Variants in RBFOX1 observed in about 807,000 individuals in gnomAD.
The protein encoded by RBFOX1 is RNA binding protein fox-1 homolog 1.
Under a neutral mutation model 57.7 loss-of-function variants are expected in RBFOX1, and 8 were observed. The ratio of observed to expected loss-of-function variants is 0.14; its 90% CI spans 0.08 to 0.25. The LOEUF (loss-of-function observed/expected upper bound fraction) is 0.25. Among genes scored for constraint, RBFOX1 ranks in the 10% least tolerant of loss-of-function variants. RBFOX1 has a pLI of 1.00. For missense variants in RBFOX1, 611 were observed against 548.5 expected, an observed-to-expected ratio of 1.11 and a Z score of -1.14; for synonymous variants, 326 against 222.4, an observed-to-expected ratio of 1.47 and a Z score of -4.15.
chr16:6,416,517 G>A (rs773739793), intron 2 of RBFOX1, among the ~76,000 whole-genome samples: 6 of 151,882 alleles, frequency 4.0e-5, no homozygotes, highest in Non-Finnish European at 7.4e-5. Context: ...TTTACTGAAA[G>A]AGATTGTATT....
At chr16:6,084,097 C>A (rs936272008) in intron 1 of RBFOX1, among the ~76,000 whole-genome samples, 1 of 152,156 alleles carries the variant, frequency 6.6e-6, no homozygotes, top group African/African-American at 2.4e-5. Context: ...GGGGCCTGAG[C>A]TTTTCAATCT....
chr16:6,205,398 C>T (rs2097248361), intron 1 of RBFOX1, among the ~76,000 whole-genome samples: 1 of 152,174 alleles, frequency 6.6e-6, no homozygotes, highest in Non-Finnish European at 1.5e-5. Flanking sequence ...ACAAGGTTGT[C>T]GTGACAAAGT....
chr16:6,202,149 A>G (rs1169751034), intron 1 of RBFOX1, among the ~76,000 whole-genome samples: 2 of 152,182 alleles, frequency 1.3e-5, no homozygotes, highest in Non-Finnish European at 2.9e-5. Context: ...TTTCTAACGG[A>G]GCAACTTCCT....
intron 4 of RBFOX1, among the ~76,000 whole-genome samples, chr16:7,088,526 CTG>C (rs2060326610): frequency 8.0e-6 from 1 of 124,594 alleles, no homozygotes; most frequent in Admixed American, 9.4e-5. Context: ...GATAAATACT[CTG>C]TAGTTGTTTT....
intron 4 of RBFOX1, among the ~76,000 whole-genome samples, chr16:7,424,602 G>C (rs1490881225): frequency 2.6e-5 from 4 of 152,124 alleles, no homozygotes; most frequent in African/African-American, 4.8e-5. Flanking sequence ...TTACTGGTAA[G>C]GACTTGATGT....
chr16:5,420,121 A>T (rs944301789), intron 1 of RBFOX1, among the ~76,000 whole-genome samples: 12 of 152,202 alleles, frequency 7.9e-5, no homozygotes, highest in Admixed American at 2.6e-4. Context: ...GTAATTTGTT[A>T]TACAGTGACG....
chr16:7,073,560 A>G (rs1006400679), intron 4 of RBFOX1, among the ~76,000 whole-genome samples: 1 of 152,160 alleles, frequency 6.6e-6, no homozygotes, highest in African/African-American at 2.4e-5. Context: ...GATAAATACC[A>G]TGGCTGGTGT....
intron 14 of RBFOX1, among the ~76,000 whole-genome samples, chr16:7,697,492 A>G (rs1355441063): frequency 6.9e-6 from 1 of 145,036 alleles, no homozygotes; most frequent in Non-Finnish European, 1.5e-5. Flanking sequence ...TGAGCAAATT[A>G]TGTGTGCTAG....
intron 2 of RBFOX1, among the ~76,000 whole-genome samples, chr16:6,598,958 A>AAACAG (rs2097811417): frequency 6.6e-6 from 1 of 152,086 alleles, no homozygotes; most frequent in African/African-American, 2.4e-5. Flanking sequence ...AAACAAAACA[A>AAACAG]AACAAAACAA....
intron 3 of RBFOX1, among the ~76,000 whole-genome samples, chr16:6,941,028 A>C (rs1390775461): frequency 6.6e-6 from 1 of 151,842 alleles, no homozygotes; most frequent in East Asian, 1.9e-4. Context: ...ATACTTCTAT[A>C]TGTGTATGGA....
intron 3 of RBFOX1, among the ~76,000 whole-genome samples, chr16:5,619,330 G>T (rs2048136914): frequency 1.3e-5 from 2 of 152,112 alleles, no homozygotes; most frequent in Admixed American, 1.3e-4. Context: ...TGAGTTCCTT[G>T]GCAGATAGTG....
At chr16:7,343,268 T>C (rs541984300) in intron 4 of RBFOX1, among the ~76,000 whole-genome samples, 1 of 152,150 alleles carries the variant, frequency 6.6e-6, no homozygotes, top group Non-Finnish European at 1.5e-5. Context: ...GGGGGGAAAT[T>C]GTAGCTCTGA....
chr16:7,482,936 C>G (rs2064379543), intron 4 of RBFOX1, among the ~76,000 whole-genome samples: 1 of 152,062 alleles, frequency 6.6e-6, no homozygotes, highest in Admixed American at 6.6e-5. Flanking sequence ...TGACTTTATC[C>G]TGGGTTGGAA....
chr16:7,183,296 C>A (rs1334279285), intron 4 of RBFOX1, among the ~76,000 whole-genome samples: 1 of 152,096 alleles, frequency 6.6e-6, no homozygotes, highest in East Asian at 1.9e-4. Context: ...GTGTATCGTG[C>A]TTGTCAATTT....
At chr16:6,545,401 C>G (rs757450726) in intron 2 of RBFOX1, among the ~76,000 whole-genome samples, 5 of 152,186 alleles carry the variant, frequency 3.3e-5, no homozygotes, top group African/African-American at 4.8e-5. Context: ...CCCTCTCTCT[C>G]TTTCTCTCCA....
chr16:7,245,359 G>T (rs1258932911), intron 4 of RBFOX1, among the ~76,000 whole-genome samples: 1 of 152,024 alleles, frequency 6.6e-6, no homozygotes, highest in Non-Finnish European at 1.5e-5. Context: ...ACATGTACAG[G>T]ATGTGCAGGT....
At chr16:6,887,044 C>T (rs1267504656) in intron 3 of RBFOX1, among the ~76,000 whole-genome samples, 1 of 152,156 alleles carries the variant, frequency 6.6e-6, no homozygotes, top group African/African-American at 2.4e-5. Context: ...TGGTGAGTCT[C>T]CATACTTGGT....
rs966281392 is a variant in RBFOX1 at position 5,946,719 on chromosome 16, C to T, written c.351+79384C>T. 6.6e-6 allele frequency among the ~76,000 whole-genome samples: 1 copy of T among 152,192 alleles called. No individual in the cohort carries two copies. The highest frequency in any genetic ancestry group is 1.5e-5 in the Non-Finnish European group (1 of 68,046). ...GTGAGAAGGGAAGTACAGGCTTGCT[C>T]TGAAGTGGGGCCAGTCTTGTGGGAC... On this transcript the variant is annotated intron_variant, in intron 4 of 19. Coordinates refer to the RBFOX1 transcript ENST00000641259. The surrounding 1 kb of genome is among the most constrained non-coding windows in gnomAD (Gnocchi z 4.6).
At chr16:7,195,580 C>A (rs1226332664) in intron 4 of RBFOX1, among the ~76,000 whole-genome samples, 3 of 152,136 alleles carry the variant, frequency 2.0e-5, no homozygotes, top group Non-Finnish European at 4.4e-5. Flanking sequence ...TTTATTGAGA[C>A]AGAGTCCAAC....
Sources: gnomAD v4.1 joint callset for allele counts (sites outside exome capture counted in the v4.1 genomes callset) on GRCh38, gnomAD v4.1.1 for gene constraint, Gnocchi (gnomAD v3.1) non-coding constraint, MANE v1.5 for transcripts, NCBI Gene and HGNC (gene_info 2026-07-23, HGNC 2026-07-21) for gene names.